The following ARHGEF12 variants were observed in gnomAD, a reference collection of about 807,000 sequenced individuals.
ARHGEF12 encodes Rho guanine nucleotide exchange factor 12.
ARHGEF12 carries 66 observed loss-of-function variants against 211.2 expected under a neutral mutation model. The ratio of observed to expected loss-of-function variants is 0.31; its 90% CI spans 0.26 to 0.38. The LOEUF is 0.38. Ranked by LOEUF, ARHGEF12 falls within the 10% of genes least tolerant of loss-of-function variation. ARHGEF12 has a pLI of 1.00. For missense variants in ARHGEF12, 1,429 were observed against 1,869.5 expected (o/e 0.76, Z 4.34); for synonymous variants, 592 against 638.4 (o/e 0.93, Z 1.09).
intron 7 of ARHGEF12, 41 bp downstream of exon 7, chr11:120,424,456 C>A: frequency 6.3e-7 from 1 of 1,580,774 alleles, no homozygotes; most frequent in Non-Finnish European, 8.7e-7. Flanking sequence ...TTTTCTGAAA[C>A]CCTTAAAGTA....
At chr11:120,481,061 G>A (rs992665304) in intron 38 of ARHGEF12, among the ~76,000 whole-genome samples, 199 bp from the exon 39 acceptor site, 1 of 152,032 alleles carries the variant, frequency 6.6e-6, no homozygotes, top group Non-Finnish European at 1.5e-5. Context: ...GAAATTTTTT[G>A]GAAATTACCA....
intron 26 of ARHGEF12, among the ~76,000 whole-genome samples, chr11:120,459,797 C>A (rs1946472143): frequency 6.6e-6 from 1 of 152,110 alleles, no homozygotes; most frequent in African/African-American, 2.4e-5. Flanking sequence ...CAACCTCTGC[C>A]CCCTGGGTTC....
intron 1 of ARHGEF12, among the ~76,000 whole-genome samples, chr11:120,343,949 A>C (rs1942614115): frequency 6.6e-6 from 1 of 152,070 alleles, no homozygotes; most frequent in Non-Finnish European, 1.5e-5. Context: ...TTATGGATTC[A>C]AAAAAATGTA....
intron 4 of ARHGEF12, among the ~76,000 whole-genome samples, chr11:120,419,708 A>G (rs937153297): frequency 6.6e-6 from 1 of 152,144 alleles, no homozygotes. Flanking sequence ...TTTTATTAAC[A>G]TATCTTTAGC....
intron 22 of ARHGEF12, among the ~76,000 whole-genome samples, chr11:120,456,343 G>A (rs1410436349): frequency 3.3e-5 from 5 of 152,038 alleles, no homozygotes; most frequent in Non-Finnish European, 7.4e-5. Flanking sequence ...CTTTTTGATA[G>A]AACAAAAACA....
chr11:120,358,493 ATTTAGT>A (rs1466198989), intron 1 of ARHGEF12, among the ~76,000 whole-genome samples: 1 of 152,136 alleles, frequency 6.6e-6, no homozygotes, highest in Admixed American at 6.5e-5. Context: ...TAAGGGATAG[ATTTAGT>A]TTAAGTTACT....
intron 21 of ARHGEF12, chr11:120,451,062 A>G (rs1946197409): frequency 6.5e-6 from 1 of 154,320 alleles, no homozygotes; most frequent in Non-Finnish European, 1.4e-5. Flanking sequence ...GTTTCTCTGC[A>G]TAACAATCCA....
chr11:120,423,734 A>G (rs1486165487), intron 6 of ARHGEF12, among the ~76,000 whole-genome samples: 1 of 152,168 alleles, frequency 6.6e-6, no homozygotes, highest in East Asian at 1.9e-4. Context: ...CAGGATGAGT[A>G]TACTTGTACT....
At chr11:120,430,852 A>G (rs1395003899) in intron 10 of ARHGEF12, among the ~76,000 whole-genome samples, 3 of 152,170 alleles carry the variant, frequency 2.0e-5, no homozygotes, top group Non-Finnish European at 4.4e-5. Context: ...GGTTTAGTGT[A>G]CTTTTCATTC....
At chr11:120,471,591 G>C (rs1946870958) in intron 30 of ARHGEF12, among the ~76,000 whole-genome samples, 1 of 152,162 alleles carries the variant, frequency 6.6e-6, no homozygotes, top group Non-Finnish European at 1.5e-5. Flanking sequence ...CTTGAAATGT[G>C]TGTTCTACTG....
At chr11:120,351,434 TATATATATATATA>T (rs1942951565) in intron 1 of ARHGEF12, among the ~76,000 whole-genome samples, 3 of 3,460 alleles carry the variant, frequency 8.7e-4, no homozygotes, top group African/African-American at 3.8e-3. Context: ...TATATATATA[TATATATATATATA>T]TATATATATT....
intron 37 of ARHGEF12, 41 bp downstream of exon 37, chr11:120,478,430 A>G (rs1565514704): frequency 5.2e-6 from 8 of 1,525,012 alleles, no homozygotes; most frequent in Non-Finnish European, 7.3e-6. Context: ...CTTACTAAGT[A>G]TGACACTCAT....
chr11:120,426,581 A>G (rs1342182387), intron 7 of ARHGEF12, among the ~76,000 whole-genome samples: 1 of 152,240 alleles, frequency 6.6e-6, no homozygotes, highest in Non-Finnish European at 1.5e-5. Flanking sequence ...AACCAAATAC[A>G]TAGGCAAGTG....
chr11:120,481,198 T>A (rs769116432), intron 38 of ARHGEF12, 62 bp from the exon 39 acceptor site: 88 of 1,467,920 alleles, frequency 6.0e-5, no homozygotes, highest in Non-Finnish European at 8.2e-5. Context: ...CAGCACACTA[T>A]GCTATTTCTG....
chr11:120,337,952 G>C, intron 1 of ARHGEF12: 1 of 961,572 alleles, frequency 1.0e-6, no homozygotes. Context: ...GATATAAGCC[G>C]TAAGCATAGT....
intron 1 of ARHGEF12, among the ~76,000 whole-genome samples, chr11:120,342,164 T>G (rs565448829): frequency 6.6e-6 from 1 of 152,322 alleles, no homozygotes; most frequent in South Asian, 2.1e-4. Context: ...TTGTACTGTA[T>G]TTTTCTGTGC....
At position 120,458,112 on chromosome 11, in the gene ARHGEF12, G is replaced by A. The variant is rs1236322198; in HGVS notation, c.2258G>A (p.Ser753Asn). 1 of 1,608,546 alleles carries A rather than the reference G, an allele frequency of 6.2e-7. No homozygotes were observed. Among genetic ancestry groups the A allele is most frequent in the African/African-American group, 1.3e-5 (1 of 74,702 alleles). Reference protein sequence around the residue: ...FDSVAFGESQSEDEQFENDLE... With the variant: ...FDSVAFGESQNEDEQFENDLE... ...AGTGTAGCTTTTGGAGAAAGTCAAA[G>A]TGAGGATGAACAATTTGAAAATGAC... The change falls in exon 25 of 41, where the codon AGT becomes AAT. Residue 753 changes from serine (S) to asparagine (N), a missense_variant. By Grantham distance (46) the Ser-to-Asn change is conservative. Coordinates refer to ENST00000397843, the MANE Select transcript of ARHGEF12 (RefSeq NM_015313.3).
chr11:120,399,425 G>A (rs1436858784), intron 1 of ARHGEF12, among the ~76,000 whole-genome samples: 3 of 148,982 alleles, frequency 2.0e-5, no homozygotes, highest in African/African-American at 4.9e-5. Flanking sequence ...ACATGAGAAC[G>A]AAGTTTATAC....
chr11:120,469,250 C>G (rs1479492056), intron 29 of ARHGEF12, 38 bp from the exon 30 acceptor site: 4 of 1,488,104 alleles, frequency 2.7e-6, no homozygotes, highest in Non-Finnish European at 3.7e-6. Flanking sequence ...GTTTTTTGCT[C>G]AGTTCTTTTA....
Sources: allele counts gnomAD v4.1 joint callset (sites outside exome capture counted in the v4.1 genomes callset), GRCh38; gene constraint gnomAD v4.1.1; transcripts MANE v1.5; gene names NCBI Gene and HGNC (gene_info 2026-07-23, HGNC 2026-07-21).